The following TSC22D1 variants were observed in gnomAD, a reference collection of about 807,000 sequenced individuals.
The protein encoded by TSC22D1 is TSC22 domain family member 1.
A neutral mutation model predicts 74.2 loss-of-function variants in TSC22D1; 9 were observed. The ratio of observed to expected loss-of-function variants is 0.12; its 90% CI spans 0.07 to 0.21. The LOEUF is 0.21. Among genes scored for constraint, TSC22D1 ranks in the 10% least tolerant of loss-of-function variants. The pLI, the probability that TSC22D1 is intolerant of heterozygous loss-of-function variation, is 1.00. For synonymous variants in TSC22D1, 586 were observed against 492.5 expected (o/e 1.19, Z -2.51); for missense variants, 1,427 against 1,304.7 (o/e 1.09, Z -1.44).
At chr13:44,506,917 C>T (rs1316429830) in intron 1 of TSC22D1, among the ~76,000 whole-genome samples, 2 of 152,164 alleles carry the variant, frequency 1.3e-5, no homozygotes, top group Non-Finnish European at 2.9e-5. Flanking sequence ...GTACACAGTG[C>T]CTGCTGTGTA....
chr13:44,463,106 C>T (rs1292443492), intron 1 of TSC22D1, among the ~76,000 whole-genome samples: 1 of 152,074 alleles, frequency 6.6e-6, no homozygotes, highest in Non-Finnish European at 1.5e-5. Context: ...GCTGATCATA[C>T]AAGAAAATAT....
At chr13:44,550,308 C>T (rs1024700869) in intron 1 of TSC22D1, among the ~76,000 whole-genome samples, 1 of 152,136 alleles carries the variant, frequency 6.6e-6, no homozygotes, top group African/African-American at 2.4e-5. Flanking sequence ...AGCAGCCGGG[C>T]ACGGTGGCTC....
chr13:44,436,681 C>G, intron 1 of TSC22D1: 1 of 1,557,104 alleles, frequency 6.4e-7, no homozygotes, highest in Non-Finnish European at 8.6e-7. Flanking sequence ...CACCAGCAGC[C>G]TTGTATAAGC....
chr13:44,487,523 A>G (rs1295791157), intron 1 of TSC22D1, among the ~76,000 whole-genome samples: 230 of 148,662 alleles, frequency 1.5e-3, no homozygotes, highest in African/African-American at 5.3e-3. Flanking sequence ...AAAAAAAAAA[A>G]AAAAGAAAAG....
At chr13:44,572,348 C>A (rs774979741) in intron 1 of TSC22D1, among the ~76,000 whole-genome samples, 1 of 152,120 alleles carries the variant, frequency 6.6e-6, no homozygotes, top group Non-Finnish European at 1.5e-5. Flanking sequence ...CTTTCTGTAT[C>A]TTTTTGGTAA....
At chr13:44,502,265 A>C (rs1363035238) in intron 1 of TSC22D1, among the ~76,000 whole-genome samples, 1 of 152,198 alleles carries the variant, frequency 6.6e-6, no homozygotes, top group African/African-American at 2.4e-5. Flanking sequence ...TACTTGCTTA[A>C]GATGAAAAAC....
rs149786633 is a variant in TSC22D1, at chr13:44,521,764, A to G, written c.2912+51399T>C. Among the ~76,000 whole-genome samples, 3 of 152,244 alleles carry G rather than the reference A, an allele frequency of 2.0e-5. No individual in the cohort carries two copies. In the East Asian group the frequency reaches 5.8e-4, roughly 29 times the overall value. On this transcript the variant is annotated intron_variant, in intron 1 of 2. Coordinates refer to ENST00000458659, the MANE Select transcript of TSC22D1 (RefSeq NM_183422.4). ...GTTCACACACTTGAGGAAGAATCCG[A>G]AAGATTTTTCTTTCTTAACCTTTCA...
intron 1 of TSC22D1, among the ~76,000 whole-genome samples, chr13:44,510,139 T>C (rs951393967): frequency 6.6e-6 from 1 of 151,688 alleles, no homozygotes; most frequent in African/African-American, 2.4e-5. Context: ...ATCCTAGCAC[T>C]CTGGGAGGCT....
Position 44,434,569 on chromosome 13 carries a change from A to AT in TSC22D1, c.*56dup. 1 of 1,492,438 alleles carries AT rather than the reference A, an allele frequency of 6.7e-7. No individual in the cohort carries two copies. The highest frequency in any genetic ancestry group is 1.4e-5 in the South Asian group (1 of 70,410). The allele number at this position is 1,492,438 out of a possible 1,614,324, so 92.4% of individuals were successfully genotyped here. ...TGTGGAGGCAGATTCTCCCTAGCAC[A>AT]TCTTCTCCGTCTGTTCAGTTCACAC... is the stretch of plus-strand genomic sequence containing the variant. On this transcript the variant is annotated 3_prime_UTR_variant, in exon 3 of 3. Coordinates refer to ENST00000458659, the MANE Select transcript of TSC22D1 (RefSeq NM_183422.4).
Position 44,513,524 on chromosome 13 carries a change from T to C in TSC22D1, c.2912+59639A>G, listed in dbSNP as rs527970634. 5.9e-5 allele frequency among the ~76,000 whole-genome samples: 9 copies of C among 152,202 alleles called. No individual in the cohort carries two copies. The South Asian group carries it at 1.9e-3, about 32-fold the overall frequency. ...AGAAATAGGTCTTCATACTTGAAAA[T>C]GTGGAGATAACTAGATTGGGAAGAA... On this transcript the variant is annotated intron_variant, in intron 1 of 2. Coordinates refer to ENST00000458659, the MANE Select transcript of TSC22D1 (RefSeq NM_183422.4).
chr13:44,436,425 T>C (rs1874634337), intron 1 of TSC22D1: 1 of 1,515,922 alleles, frequency 6.6e-7, no homozygotes, highest in Non-Finnish European at 9.0e-7. Context: ...ACAAAGGAAT[T>C]CGCCTGGCTA....
At chr13:44,467,601 T>G (rs535356334) in intron 1 of TSC22D1, among the ~76,000 whole-genome samples, 2 of 152,188 alleles carry the variant, frequency 1.3e-5, no homozygotes, top group African/African-American at 4.8e-5. Flanking sequence ...TAGATATTTC[T>G]CAAAAGAAGA....
At chr13:44,438,707 A>AGT (rs1320479449) in intron 1 of TSC22D1, among the ~76,000 whole-genome samples, 1 of 151,858 alleles carries the variant, frequency 6.6e-6, no homozygotes, top group Non-Finnish European at 1.5e-5. Flanking sequence ...AAAAAAAGAT[A>AGT]CCCATTTCCA....
At chr13:44,496,622 T>C (rs1210626663) in intron 1 of TSC22D1, among the ~76,000 whole-genome samples, 4 of 151,356 alleles carry the variant, frequency 2.6e-5, no homozygotes, top group African/African-American at 9.7e-5. Context: ...GAGGTGGAGG[T>C]TGCAGTGAGC....
At chr13:44,484,293 G>C (rs1878329264) in intron 1 of TSC22D1, among the ~76,000 whole-genome samples, 1 of 152,112 alleles carries the variant, frequency 6.6e-6, no homozygotes, top group Non-Finnish European at 1.5e-5. Context: ...AAAATCTCTA[G>C]TCTCTACAGT....
chr13:44,517,561 C>T (rs1200006791), intron 1 of TSC22D1, among the ~76,000 whole-genome samples: 2 of 151,286 alleles, frequency 1.3e-5, no homozygotes, highest in African/African-American at 4.9e-5. Flanking sequence ...AAGTATTTTC[C>T]GGGCCAGGTG....
chr13:44,574,918 G>A lies in TSC22D1; in HGVS notation c.1157C>T (p.Ala386Val), dbSNP rs146509392. 1.2e-6 allele frequency: 2 copies of A among 1,614,078 alleles called. No homozygotes were observed. Among genetic ancestry groups the A allele is most frequent in the Non-Finnish European group, 1.7e-6 (2 of 1,180,010 alleles). ...TGAAACCGATCCCCCAGTCATCCCT[G>A]CAGCTGCATTAGGAACACTGCTAAC... ...AAVSSVPNAA[A>V]GMTGGSVSSQ... Residue 386 changes from alanine to valine, a missense_variant, in exon 1 of 3, where the codon GCA (alanine) becomes GTA (valine). Ala to Val is a moderately conservative substitution (Grantham distance 64, BLOSUM62 0). Transcript: ENST00000458659.
rs144077514 is a variant in TSC22D1, at chr13:44,575,745, G to T, written c.330C>A (p.Gly110=). The T allele has an allele frequency of 6.2e-7, 1 of 1,614,106 alleles. No homozygotes were observed. The highest frequency in any genetic ancestry group is 8.5e-7 in the Non-Finnish European group (1 of 1,180,040). ...PGGTQMKKKS[G]FQITSVTPAQ... is the part of the protein sequence containing the mutation. ...CAGGAGTAACGCTAGTTATCTGGAA[G>T]CCACTTTTCTTTTTCATTTGAGTTC... Residue 110 remains glycine, a synonymous_variant, in exon 1 of 3, where the codon GGC becomes GGA. Coordinates refer to ENST00000458659, the MANE Select transcript of TSC22D1 (RefSeq NM_183422.4).
chr13:44,559,328 A>C (rs1157630206), intron 1 of TSC22D1, among the ~76,000 whole-genome samples: 1 of 152,176 alleles, frequency 6.6e-6, no homozygotes, highest in African/African-American at 2.4e-5. Flanking sequence ...CTTAACCAAA[A>C]ATAAAGCAAA....
Sources: gnomAD v4.1 joint callset for allele counts (sites outside exome capture counted in the v4.1 genomes callset) on GRCh38, gnomAD v4.1.1 for gene constraint, MANE v1.5 for transcripts, NCBI Gene and HGNC (gene_info 2026-07-23, HGNC 2026-07-21) for gene names.